CSGALNACT1: variants seen among roughly 807,000 people sequenced by gnomAD.
The protein encoded by CSGALNACT1 is beta4GalNAcT-1.
CSGALNACT1 carries 52 observed loss-of-function variants against 51.0 expected under a neutral mutation model. That is an observed-to-expected ratio of 1.02 (90% confidence interval 0.82 to 1.29). The LOEUF is 1.29. Among genes scored for constraint, CSGALNACT1 ranks in the 50% most tolerant of loss-of-function variants. The probability of loss-of-function intolerance (pLI) is 0.00; values close to 1 mark genes in which losing one functional copy is unlikely to be tolerated. For missense variants in CSGALNACT1, 935 were observed against 679.2 expected (o/e 1.38, Z -4.19); for synonymous variants, 341 against 254.4 (o/e 1.34, Z -3.24).
intron 3 of CSGALNACT1, among the ~76,000 whole-genome samples, chr8:19,520,200 C>G (rs1378168752): frequency 6.6e-6 from 1 of 152,214 alleles, no homozygotes; most frequent in Non-Finnish European, 1.5e-5. Flanking sequence ...CTACAGAATG[C>G]ACGTATTGTG....
chr8:19,580,056 C>G (rs6586846), intron 3 of CSGALNACT1, among the ~76,000 whole-genome samples: 132,985 of 152,224 alleles, frequency 0.87, 58,182 homozygotes, highest in East Asian at 1. Context: ...ACCCTCCTTT[C>G]TACTGCTTGC....
chr8:19,682,501 T>A, exon 1 of CSGALNACT1: 1 of 373,686 alleles, frequency 2.7e-6, no homozygotes, highest in Non-Finnish European at 5.4e-6. Context: ...AGATGACACC[T>A]GTTGTCACCC....
chr8:19,489,727 C>A (rs536637991), intron 4 of CSGALNACT1, among the ~76,000 whole-genome samples: 40 of 152,318 alleles, frequency 2.6e-4, no homozygotes, highest in African/African-American at 7.9e-4. Context: ...TGTCTTTTCA[C>A]TGGCTGTCTT....
Position 19,699,561 on chromosome 8 carries a change from T to C in CSGALNACT1, c.-297+58289A>G, listed in dbSNP as rs112195567. Among the ~76,000 whole-genome samples, 538 of 152,320 alleles carry C rather than the reference T, an allele frequency of 3.5e-3. 4 individuals are homozygous for C. Among genetic ancestry groups the C allele is most frequent in the African/African-American group, 0.013 (523 of 41,564 alleles). On this transcript the variant is annotated intron_variant, in intron 1 of 1. Transcript: ENST00000517494. The stretch of plus-strand genomic sequence containing the variant: ...CTAAAGGGCAAAAATTATATGATGT[T>C]ACTCACATGAGGTCCCTGAAGTAGT...
At chr8:19,732,279 A>G (rs1457506372) in intron 1 of CSGALNACT1, among the ~76,000 whole-genome samples, 1 of 152,264 alleles carries the variant, frequency 6.6e-6, no homozygotes, top group African/African-American at 2.4e-5. Context: ...ATTTCCTGAC[A>G]TGCAGAAGTT....
chr8:19,449,496 C>A lies in CSGALNACT1; in HGVS notation c.851+8930G>T, dbSNP rs187426832. Among the ~76,000 whole-genome samples the A allele has an allele frequency of 1.0e-3, 154 of 152,254 alleles. 3 individuals carry two copies. Among genetic ancestry groups the A allele is most frequent in the African/African-American group, 3.5e-3 (144 of 41,546 alleles). ...GAGGCCTTTCTGTCATATATACCAGCCTCACTATAACATTCCAGGCTCATT... is the reference window on the plus strand; with the variant it reads ...GAGGCCTTTCTGTCATATATACCAGACTCACTATAACATTCCAGGCTCATT... On this transcript the variant is annotated intron_variant, in intron 5 of 9. Transcript: ENST00000454498.
At chr8:19,725,857 G>C (rs1001064358) in intron 1 of CSGALNACT1, among the ~76,000 whole-genome samples, 3 of 151,854 alleles carry the variant, frequency 2.0e-5, no homozygotes, top group Non-Finnish European at 4.4e-5. Flanking sequence ...ACATACCCTA[G>C]CAGAGTGGTG....
At chr8:19,635,248 G>C (rs899098677) in intron 1 of CSGALNACT1, among the ~76,000 whole-genome samples, 1 of 152,214 alleles carries the variant, frequency 6.6e-6, no homozygotes, top group African/African-American at 2.4e-5. Flanking sequence ...CTGGGCACCT[G>C]TCTGAACTCC....
At chr8:19,431,604 G>A (rs1367510609) in intron 6 of CSGALNACT1, among the ~76,000 whole-genome samples, 1 of 151,826 alleles carries the variant, frequency 6.6e-6, no homozygotes, top group South Asian at 2.1e-4. Context: ...ATATTCATAG[G>A]GATACTGATC....
chr8:19,663,926 A>G (rs1564376623), intron 1 of CSGALNACT1, among the ~76,000 whole-genome samples: 1 of 152,192 alleles, frequency 6.6e-6, no homozygotes, highest in Non-Finnish European at 1.5e-5. Flanking sequence ...CAGTTTTAAA[A>G]CAGACAAATG....
chr8:19,602,424 G>A (rs1456051429), exon 1 of CSGALNACT1: 1 of 152,670 alleles, frequency 6.6e-6, no homozygotes, highest in Admixed American at 6.5e-5. Flanking sequence ...TGGGAGCAGG[G>A]AGGAACGACC....
intron 1 of CSGALNACT1, among the ~76,000 whole-genome samples, chr8:19,667,002 A>AGGAAG (rs1491250091): frequency 3.7e-5 from 1 of 27,228 alleles, no homozygotes; most frequent in African/African-American, 2.3e-4. Flanking sequence ...AAAGAAAGAA[A>AGGAAG]GAAAGAAAGA....
At chr8:19,634,802 C>T (rs1441174733) in intron 1 of CSGALNACT1, among the ~76,000 whole-genome samples, 1 of 152,210 alleles carries the variant, frequency 6.6e-6, no homozygotes, top group African/African-American at 2.4e-5. Context: ...TCATCTTGGA[C>T]TTCCAGCCTC....
At chr8:19,502,807 T>G (rs1322158148) in intron 4 of CSGALNACT1, among the ~76,000 whole-genome samples, 2 of 152,186 alleles carry the variant, frequency 1.3e-5, no homozygotes, top group African/African-American at 2.4e-5. Flanking sequence ...TAACTAGGTG[T>G]GGATCAAAGA....
At chr8:19,607,666 A>G (rs980856138) in intron 1 of CSGALNACT1, among the ~76,000 whole-genome samples, 5 of 152,224 alleles carry the variant, frequency 3.3e-5, no homozygotes, top group African/African-American at 9.6e-5. Flanking sequence ...TGTTTCAGGG[A>G]TATCAGCTGC....
intron 3 of CSGALNACT1, among the ~76,000 whole-genome samples, chr8:19,520,180 T>C (rs555774738): frequency 6.6e-6 from 1 of 152,350 alleles, no homozygotes; most frequent in East Asian, 1.9e-4. Flanking sequence ...GTGGTTATTA[T>C]AGAACGGGAC....
intron 3 of CSGALNACT1, among the ~76,000 whole-genome samples, chr8:19,514,196 C>A (rs115396751): frequency 2.6e-5 from 4 of 151,988 alleles, no homozygotes; most frequent in African/African-American, 9.7e-5. Flanking sequence ...AGGGGTCCCA[C>A]TGGGGAGTCA....
intron 4 of CSGALNACT1, among the ~76,000 whole-genome samples, chr8:19,498,438 C>G (rs2153979968): frequency 6.6e-6 from 1 of 152,328 alleles, no homozygotes; most frequent in African/African-American, 2.4e-5. Context: ...GCAGCACTGC[C>G]TGCCATACTA....
chr8:19,668,455 A>T (rs977429424), intron 1 of CSGALNACT1, among the ~76,000 whole-genome samples: 1 of 152,226 alleles, frequency 6.6e-6, no homozygotes, highest in Admixed American at 6.5e-5. Flanking sequence ...TGAATCCTTA[A>T]GTAACATAAG....
Sources: gnomAD v4.1 joint callset for allele counts (sites outside exome capture counted in the v4.1 genomes callset) on GRCh38, gnomAD v4.1.1 for gene constraint, MANE v1.5 for transcripts, NCBI Gene and HGNC (gene_info 2026-07-23, HGNC 2026-07-21) for gene names.